CBR4: variants seen among roughly 807,000 people sequenced by gnomAD.
The protein encoded by CBR4 is carbonyl reductase 4, also known as 3-oxoacyl-[acyl-carrier-protein] reductase.
CBR4 carries 22 observed loss-of-function variants against 21.0 expected under a neutral mutation model. That is an observed-to-expected ratio of 1.05 (90% confidence interval 0.75 to 1.50). The LOEUF (loss-of-function observed/expected upper bound fraction) is 1.50, where lower values mean the gene tolerates loss of function less well. CBR4 is among the 40% of genes most tolerant of loss of function. CBR4 has a pLI of 0.00. For missense variants in CBR4, 302 were observed against 286.3 expected, an observed-to-expected ratio of 1.05 and a Z score of -0.40; for synonymous variants, 100 against 104.4, an observed-to-expected ratio of 0.96 and a Z score of 0.26.
At chr4:169,008,990 GAGA>G (rs746016321) in intron 1 of CBR4, 33 of 454,038 alleles carry the variant, frequency 7.3e-5, no homozygotes, top group African/African-American at 3.6e-4. Flanking sequence ...AGACTGAGGC[GAGA>G]AGATCTCTAG....
chr4:168,933,727 A>C (rs1288755113), intron 2 of CBR4, among the ~76,000 whole-genome samples: 1 of 152,234 alleles, frequency 6.6e-6, no homozygotes, highest in African/African-American at 2.4e-5. Flanking sequence ...TTTTATCAGC[A>C]CATGGAACAT....
intron 2 of CBR4, among the ~76,000 whole-genome samples, chr4:168,935,536 G>C (rs1479887286): frequency 3.3e-5 from 5 of 152,150 alleles, no homozygotes; most frequent in Non-Finnish European, 5.9e-5. Context: ...CTGCCACCAA[G>C]CATTCTGAAG....
chr4:168,947,349 T>C (rs1233099575), intron 2 of CBR4, among the ~76,000 whole-genome samples: 1 of 152,186 alleles, frequency 6.6e-6, no homozygotes, highest in African/African-American at 2.4e-5. Flanking sequence ...TTACTCATGG[T>C]GCAATTCCGT....
chr4:168,921,406 CAAAAAAAAAAA>C (rs5863967), intron 2 of CBR4: 1 of 361,160 alleles, frequency 2.8e-6, no homozygotes, highest in South Asian at 2.6e-5. Flanking sequence ...AAACTCTGTC[CAAAAAAAAAAA>C]AAAAAAAAAG....
At chr4:168,945,458 G>T (rs1447176688) in intron 2 of CBR4, among the ~76,000 whole-genome samples, 2 of 152,190 alleles carry the variant, frequency 1.3e-5, no homozygotes, top group Admixed American at 1.3e-4. Flanking sequence ...AAGACAGTCT[G>T]TTCTCTGCTA....
intron 2 of CBR4, among the ~76,000 whole-genome samples, chr4:168,917,049 G>GGTTTT (rs1491537610): frequency 8.0e-6 from 1 of 124,872 alleles, no homozygotes; most frequent in Non-Finnish European, 1.7e-5. Flanking sequence ...TTTTTTTGGG[G>GGTTTT]TTTTTTTTTT....
intron 2 of CBR4, among the ~76,000 whole-genome samples, chr4:168,968,856 A>G (rs148819670): frequency 1.3e-5 from 2 of 152,340 alleles, no homozygotes; most frequent in African/African-American, 2.4e-5. Flanking sequence ...GTCTTTTCCT[A>G]CCATGATAAT....
chr4:168,941,562 A>C (rs1763264945), intron 2 of CBR4, among the ~76,000 whole-genome samples: 1 of 152,190 alleles, frequency 6.6e-6, no homozygotes, highest in South Asian at 2.1e-4. Flanking sequence ...TAACTGAAAA[A>C]TAAAAAAAGA....
intron 2 of CBR4, among the ~76,000 whole-genome samples, chr4:168,940,974 G>A (rs550788844): frequency 9.2e-5 from 14 of 152,190 alleles, no homozygotes; most frequent in African/African-American, 1.9e-4. Context: ...TAAAGACAAC[G>A]CACACGTATG....
intron 2 of CBR4, among the ~76,000 whole-genome samples, chr4:168,907,542 C>G (rs1016174870): frequency 6.6e-6 from 1 of 152,164 alleles, no homozygotes; most frequent in East Asian, 1.9e-4. Context: ...ACCCATAGCA[C>G]AGCTGACATC....
chr4:168,980,085 A>G (rs1764498168), intron 2 of CBR4, among the ~76,000 whole-genome samples: 2 of 151,992 alleles, frequency 1.3e-5, no homozygotes, highest in South Asian at 4.1e-4. Context: ...AAAGAGACAC[A>G]TGAAAAGCCC....
At chr4:168,950,092 TTTG>T (rs1342439224) in intron 2 of CBR4, among the ~76,000 whole-genome samples, 1 of 152,160 alleles carries the variant, frequency 6.6e-6, no homozygotes, top group African/African-American at 2.4e-5. Context: ...TCTTTTGCAT[TTTG>T]TTGTTGTTTC....
chr4:168,923,119 G>A (rs540868750), intron 2 of CBR4, among the ~76,000 whole-genome samples: 1 of 152,318 alleles, frequency 6.6e-6, no homozygotes, highest in African/African-American at 2.4e-5. Context: ...TTACTGATGA[G>A]TTGCTATGAC....
intron 2 of CBR4, chr4:168,924,471 G>A (rs781253166): frequency 3.4e-6 from 5 of 1,484,408 alleles, no homozygotes; most frequent in Non-Finnish European, 4.7e-6. Context: ...TCCTAATGAT[G>A]TATCAAAAGA....
intron 2 of CBR4, among the ~76,000 whole-genome samples, chr4:168,970,607 C>T (rs1169606763): frequency 6.6e-6 from 1 of 151,930 alleles, no homozygotes; most frequent in Non-Finnish European, 1.5e-5. Context: ...TACACTGCAC[C>T]CAGTGTGTAG....
chr4:168,951,017 G>A (rs189895070), intron 2 of CBR4, among the ~76,000 whole-genome samples: 1 of 152,236 alleles, frequency 6.6e-6, no homozygotes, highest in African/African-American at 2.4e-5. Flanking sequence ...TCAGCAGATA[G>A]TTGGTTTGTG....
rs1764780443 is a variant in CBR4, at chr4:168,988,740, AT to A, written c.*1409del. The A allele has an allele frequency of 3.1e-6, 3 of 969,286 alleles. No homozygotes were observed. Among genetic ancestry groups the A allele is most frequent in the Non-Finnish European group, 3.7e-6 (3 of 815,210 alleles). The allele number at this position is 969,286 out of a possible 1,614,324, so 60.0% of individuals were successfully genotyped here. ...TTAATTGACTTTCTCATATCCTGAG[AT>A]TAATCTAAGAAAACTATTTCAAAGA... On this transcript the variant is annotated 3_prime_UTR_variant, in exon 5 of 5. Transcript: ENST00000306193.
intron 4 of CBR4, 145 bp downstream of exon 4, chr4:169,001,926 T>G: frequency 1.2e-6 from 1 of 800,500 alleles, no homozygotes; most frequent in Non-Finnish European, 1.8e-6. Context: ...AAAATTTTTT[T>G]GAGTCCCCCA....
intron 2 of CBR4, among the ~76,000 whole-genome samples, chr4:168,961,363 A>G (rs1484900453): frequency 6.6e-6 from 1 of 152,186 alleles, no homozygotes; most frequent in African/African-American, 2.4e-5. Context: ...TTGTCTCAAT[A>G]TCTATAGAAT....
Sources: gnomAD v4.1 joint callset for allele counts (sites outside exome capture counted in the v4.1 genomes callset) on GRCh38, gnomAD v4.1.1 for gene constraint, MANE v1.5 for transcripts, NCBI Gene and HGNC (gene_info 2026-07-23, HGNC 2026-07-21) for gene names.